The following EHBP1 variants were observed in gnomAD, a reference collection of about 807,000 sequenced individuals.
EHBP1 encodes EH domain binding protein 1, also known as EH domain-binding protein 1.
Under a neutral mutation model 144.0 loss-of-function variants are expected in EHBP1, and 55 were observed. That is an observed-to-expected ratio of 0.38 (90% CI 0.31 to 0.48). EHBP1 has a LOEUF of 0.48. EHBP1 is among the 20% of genes least tolerant of loss of function. EHBP1 has a pLI of 0.98. For synonymous variants in EHBP1, 469 were observed against 472.7 expected, an observed-to-expected ratio of 0.99 and a Z score of 0.10; for missense variants, 1,200 against 1,364.2, an observed-to-expected ratio of 0.88 and a Z score of 1.90.
At chr2:62,768,795 A>G (rs2041397141) in intron 4 of EHBP1, among the ~76,000 whole-genome samples, 1 of 152,218 alleles carries the variant, frequency 6.6e-6, no homozygotes, top group Non-Finnish European at 1.5e-5. Flanking sequence ...TACTAGCAGC[A>G]CATCAAAAAG....
intron 1 of EHBP1, among the ~76,000 whole-genome samples, chr2:62,687,785 A>G (rs1268312369): frequency 2.0e-5 from 3 of 152,216 alleles, no homozygotes; most frequent in Non-Finnish European, 4.4e-5. Flanking sequence ...CAGACCCGCT[A>G]TGAAAAGATC....
intron 5 of EHBP1, among the ~76,000 whole-genome samples, chr2:62,824,537 G>A (rs1236411745): frequency 6.6e-6 from 1 of 151,902 alleles, no homozygotes; most frequent in African/African-American, 2.4e-5. Context: ...CACTTGTATT[G>A]TTTGGTATAG....
intron 4 of EHBP1, among the ~76,000 whole-genome samples, chr2:62,770,700 A>C (rs949902536): frequency 6.6e-6 from 1 of 152,236 alleles, no homozygotes; most frequent in Non-Finnish European, 1.5e-5. Flanking sequence ...ATAAAGAAAC[A>C]TGCATGTGTA....
chr2:62,848,629 A>G (rs1014008413), intron 7 of EHBP1, among the ~76,000 whole-genome samples: 1 of 152,244 alleles, frequency 6.6e-6, no homozygotes. Flanking sequence ...CCTACAACAT[A>G]GATGTACCTC....
chr2:62,915,729 A>G (rs2539987), intron 10 of EHBP1, among the ~76,000 whole-genome samples: 99,557 of 151,848 alleles, frequency 0.66, 32,709 homozygotes, highest in East Asian at 0.72. Context: ...TTTTTTTTAA[A>G]ATAATTGTTA....
At chr2:62,881,882 C>T (rs537914014) in intron 10 of EHBP1, 5 of 152,012 alleles carry the variant, frequency 3.3e-5, no homozygotes, top group Non-Finnish European at 7.4e-5. Flanking sequence ...TTATTTAATT[C>T]TCATAGCTGG....
At chr2:62,828,443 G>T (rs2046502867) in intron 6 of EHBP1, among the ~76,000 whole-genome samples, 1 of 152,036 alleles carries the variant, frequency 6.6e-6, no homozygotes, top group African/African-American at 2.4e-5. Flanking sequence ...TTTAAAAAAA[G>T]TTCAGATTTA....
intron 4 of EHBP1, among the ~76,000 whole-genome samples, chr2:62,765,130 G>A (rs1006766934): frequency 1.3e-5 from 2 of 152,032 alleles, no homozygotes; most frequent in African/African-American, 2.4e-5. Flanking sequence ...ATTGAATTAC[G>A]CTAGAAGCAA....
rs2061897778 is a variant in EHBP1 at position 63,045,191 on chromosome 2, A to T, written c.3392+11A>T. On this transcript the variant is annotated intron_variant, in intron 22 of 22. Transcript: ENST00000431489. The surrounding 1 kb of genome is among the most constrained non-coding windows in gnomAD (Gnocchi z 5.7). ...CGCGCAGGAGAAGCAGTGAGTGGGCAGTGGGGTCGGGTCGAGGCTGGGCCA... is the reference window on the plus strand; with the variant it reads ...CGCGCAGGAGAAGCAGTGAGTGGGCTGTGGGGTCGGGTCGAGGCTGGGCCA... 3 of 1,573,160 alleles carry T rather than the reference A, an allele frequency of 1.9e-6. No individual in the cohort carries two copies. The African/African-American group carries it at 4.1e-5, about 21-fold the overall frequency.
intron 5 of EHBP1, among the ~76,000 whole-genome samples, chr2:62,793,993 A>G (rs2043354512): frequency 6.6e-6 from 1 of 152,148 alleles, no homozygotes; most frequent in African/African-American, 2.4e-5. Flanking sequence ...ATATGTGGCC[A>G]GTATTTCTTA....
chr2:62,826,783 T>G (rs2046373067), intron 6 of EHBP1, among the ~76,000 whole-genome samples: 1 of 152,234 alleles, frequency 6.6e-6, no homozygotes, highest in African/African-American at 2.4e-5. Context: ...TCTTAAGCAC[T>G]GAGTCAGCAT....
intron 21 of EHBP1, among the ~76,000 whole-genome samples, chr2:63,039,145 G>C (rs372256236): frequency 1.6e-4 from 24 of 152,208 alleles, no homozygotes; most frequent in East Asian, 1.2e-3. Context: ...GTTTCCACTC[G>C]GGAGGTTTGG....
intron 15 of EHBP1, among the ~76,000 whole-genome samples, chr2:62,980,823 A>G (rs1283325941): frequency 6.7e-6 from 1 of 148,760 alleles, no homozygotes; most frequent in African/African-American, 2.4e-5. Flanking sequence ...TACCAAATAT[A>G]TATATATATA....
At chr2:62,919,367 A>G (rs1353442119) in intron 10 of EHBP1, among the ~76,000 whole-genome samples, 1 of 152,184 alleles carries the variant, frequency 6.6e-6, no homozygotes, top group African/African-American at 2.4e-5. Flanking sequence ...TTCAAAAGCA[A>G]CCATATATAT....
chr2:62,933,439 T>C (rs2056158000), intron 10 of EHBP1, among the ~76,000 whole-genome samples: 1 of 152,184 alleles, frequency 6.6e-6, no homozygotes, highest in Non-Finnish European at 1.5e-5. Context: ...TCACAAATGA[T>C]AGTTTCTTAA....
In EHBP1 at chr2:63,037,642, C is replaced by G. The variant is rs778441393; in HGVS notation, c.3203+8C>G. ...GAATCAGCTCTCTCTTCTGTAAGTACTCATCATTATGCTTGTTTTGCCTAC... is the reference window on the plus strand; with the variant it reads ...GAATCAGCTCTCTCTTCTGTAAGTAGTCATCATTATGCTTGTTTTGCCTAC... On this transcript the variant is annotated splice_region_variant and intron_variant, in intron 20 of 22. Transcript: ENST00000431489. 2 of 1,510,848 alleles carry G rather than the reference C, an allele frequency of 1.3e-6. No homozygotes were observed. The highest frequency in any genetic ancestry group is 1.4e-5 in the African/African-American group (1 of 71,768). The allele number at this position is 1,510,848 out of a possible 1,614,324, so 93.6% of individuals were successfully genotyped here.
rs2058098069 is a variant in EHBP1 at position 62,963,527 on chromosome 2, T to G, written c.2460+7867T>G. On this transcript the variant is annotated intron_variant, in intron 14 of 22. Coordinates refer to ENST00000431489, the MANE Select transcript of EHBP1 (RefSeq NM_001142616.3). Reference sequence around the variant, plus strand: ...ATGTATGAGATTATACTTACATATTTATGAATATTGGCTGTGTTAGTTAAA... The same window carrying G: ...ATGTATGAGATTATACTTACATATTGATGAATATTGGCTGTGTTAGTTAAA... 2.6e-5 allele frequency among the ~76,000 whole-genome samples: 4 copies of G among 152,214 alleles called. No individual in the cohort carries two copies. In the South Asian group the frequency reaches 6.2e-4, roughly 24 times the overall value.
At chr2:62,771,864 T>C (rs766767748) in intron 5 of EHBP1, 2 of 152,210 alleles carry the variant, frequency 1.3e-5, no homozygotes, top group Non-Finnish European at 2.9e-5. Context: ...TCCCAGCACT[T>C]TGGGAGGCTG....
At chr2:62,970,151 A>G (rs2058432025) in intron 14 of EHBP1, among the ~76,000 whole-genome samples, 1 of 148,924 alleles carries the variant, frequency 6.7e-6, no homozygotes, top group African/African-American at 2.5e-5. Context: ...CTCCCTGTCT[A>G]ATGATGAAAG....
Sources: gnomAD v4.1 joint callset for allele counts (sites outside exome capture counted in the v4.1 genomes callset) on GRCh38, gnomAD v4.1.1 for gene constraint, Gnocchi (gnomAD v3.1) non-coding constraint, MANE v1.5 for transcripts, NCBI Gene and HGNC (gene_info 2026-07-23, HGNC 2026-07-21) for gene names.